Variants in PDK1 observed in about 807,000 individuals in gnomAD.
The protein encoded by PDK1 is [Pyruvate dehydrogenase (acetyl-transferring)] kinase isozyme 1, mitochondrial.
PDK1 carries 39 observed loss-of-function variants against 54.2 expected under a neutral mutation model. That is an observed-to-expected ratio of 0.72 (90% CI 0.56 to 0.94). PDK1 has a LOEUF of 0.94. Among genes scored for constraint, PDK1 ranks in the 40% least tolerant of loss-of-function variants. PDK1 has a pLI of 0.00. For synonymous variants in PDK1, 221 were observed against 207.1 expected, an observed-to-expected ratio of 1.07 and a Z score of -0.58; for missense variants, 552 against 566.0, an observed-to-expected ratio of 0.98 and a Z score of 0.25.
At chr2:172,701,798 G>A in the PDK1 span, among the ~76,000 whole-genome samples, 1 of 151,792 alleles carries the variant, frequency 6.6e-6, no homozygotes, top group African/African-American at 2.4e-5. Context: ...GTTATGAGAT[G>A]TTCCTTTTTA....
the PDK1 span, among the ~76,000 whole-genome samples, chr2:172,676,276 G>A: frequency 0.063 from 9,524 of 152,122 alleles, 1,012 homozygotes; most frequent in East Asian, 0.53. Context: ...AATACATTTT[G>A]TAAGGCTGTA....
chr2:172,586,436 A>G (rs1244079797), intron 9 of PDK1, 48 bp downstream of exon 9: 4 of 1,154,702 alleles, frequency 3.5e-6, no homozygotes, highest in South Asian at 1.2e-5. Flanking sequence ...ATTGCCTTCC[A>G]CATGCTGTAG....
At chr2:172,708,510 C>T in the PDK1 span, among the ~76,000 whole-genome samples, 12 of 151,830 alleles carry the variant, frequency 7.9e-5, no homozygotes, top group Admixed American at 1.3e-4. Flanking sequence ...TAGTTTCTCA[C>T]GAAATAATGA....
the PDK1 span, among the ~76,000 whole-genome samples, chr2:172,663,235 A>C: frequency 3.3e-5 from 5 of 152,092 alleles, no homozygotes; most frequent in African/African-American, 1.2e-4. Context: ...CTCTGAGTCT[A>C]TGTCCTTATC....
At chr2:172,700,064 G>A in the PDK1 span, among the ~76,000 whole-genome samples, 24 of 152,278 alleles carry the variant, frequency 1.6e-4, no homozygotes, top group Admixed American at 6.5e-4. Context: ...CAGAGAGCAC[G>A]GGGCTGGGGG....
At chr2:172,716,854 T>C in the PDK1 span, among the ~76,000 whole-genome samples, 1 of 152,232 alleles carries the variant, frequency 6.6e-6, no homozygotes, top group Non-Finnish European at 1.5e-5. Context: ...GATATTTTCA[T>C]GTTGCTAAGA....
At chr2:172,685,702 A>C in the PDK1 span, among the ~76,000 whole-genome samples, 4 of 152,206 alleles carry the variant, frequency 2.6e-5, no homozygotes, top group Non-Finnish European at 5.9e-5. Flanking sequence ...TGATAAATGC[A>C]CCCGATACAT....
the PDK1 span, chr2:172,691,238 T>C: frequency 2.7e-5 from 4 of 150,420 alleles, no homozygotes; most frequent in South Asian, 2.1e-4. Flanking sequence ...TCCCACAGCA[T>C]AGGGGTACAT....
intron 5 of PDK1, among the ~76,000 whole-genome samples, chr2:172,565,450 C>A (rs1169234201): frequency 6.6e-6 from 1 of 152,088 alleles, no homozygotes; most frequent in Non-Finnish European, 1.5e-5. Flanking sequence ...ATTACAGATG[C>A]TCAACACTAC....
chr2:172,632,105 G>A, the PDK1 span, among the ~76,000 whole-genome samples: 5 of 151,484 alleles, frequency 3.3e-5, no homozygotes, highest in Non-Finnish European at 5.9e-5. Flanking sequence ...GTGAAACCCC[G>A]TCTACTAAAA....
chr2:172,640,942 CCTT>C, the PDK1 span, among the ~76,000 whole-genome samples: 44 of 148,762 alleles, frequency 3.0e-4, 1 homozygote, highest in Admixed American at 1.7e-3. Context: ...TCCTTCCCTC[CCTT>C]CTTTTCTCTT....
At chr2:172,719,774 C>T in the PDK1 span, among the ~76,000 whole-genome samples, 5 of 151,992 alleles carry the variant, frequency 3.3e-5, no homozygotes. Flanking sequence ...CATTGTCTGC[C>T]TTCTCCATTT....
At chr2:172,688,810 A>G in the PDK1 span, among the ~76,000 whole-genome samples, 2 of 152,058 alleles carry the variant, frequency 1.3e-5, no homozygotes, top group East Asian at 3.9e-4. Flanking sequence ...GTTGAATCCC[A>G]CATGGCAGCC....
chr2:172,664,332 A>AAAAAG, the PDK1 span, among the ~76,000 whole-genome samples: 4 of 150,956 alleles, frequency 2.6e-5, no homozygotes, highest in Non-Finnish European at 5.9e-5. Context: ...AAAAAAAAAA[A>AAAAAG]AAGCATTGCC....
the PDK1 span, among the ~76,000 whole-genome samples, chr2:172,717,062 A>G: frequency 6.6e-6 from 1 of 152,232 alleles, no homozygotes; most frequent in Non-Finnish European, 1.5e-5. Flanking sequence ...ACTTCCTGTT[A>G]TTCACAGCCT....
intron 3 of PDK1, chr2:172,562,925 C>T: frequency 1.3e-6 from 1 of 763,786 alleles, no homozygotes; most frequent in South Asian, 2.0e-5. Context: ...CTCTTGTCCT[C>T]AGTTAGTTAC....
the PDK1 span, among the ~76,000 whole-genome samples, chr2:172,622,331 T>C: frequency 6.7e-6 from 1 of 149,386 alleles, no homozygotes; most frequent in African/African-American, 2.4e-5. Context: ...GTGAGATATG[T>C]TTATATCTCA....
At chr2:172,556,053 T>G, upstream of PDK1, 1 of 932,082 alleles carries the variant, frequency 1.1e-6, no homozygotes, top group Non-Finnish European at 1.5e-6. Flanking sequence ...TGACAGCCGA[T>G]CCCCGCCCCT....
At chr2:172,589,520 C>G (rs775818982) in intron 9 of PDK1, among the ~76,000 whole-genome samples, 2 of 152,216 alleles carry the variant, frequency 1.3e-5, no homozygotes, top group Non-Finnish European at 2.9e-5. Flanking sequence ...TTGACTTCCT[C>G]TGAACTCCTG....
Sources: allele counts gnomAD v4.1 joint callset (sites outside exome capture counted in the v4.1 genomes callset), GRCh38; gene constraint gnomAD v4.1.1; transcripts MANE v1.5; gene names NCBI Gene and HGNC (gene_info 2026-07-23, HGNC 2026-07-21).